LAP3: variants seen among roughly 807,000 people sequenced by gnomAD.
LAP3 encodes the protein cytosol aminopeptidase.
Under a neutral mutation model 58.8 loss-of-function variants are expected in LAP3, and 46 were observed. That is an observed-to-expected ratio of 0.78 (90% CI 0.62 to 1.00). The LOEUF (loss-of-function observed/expected upper bound fraction) is 1.00, where lower values mean the gene tolerates loss of function less well. Ranked by LOEUF, LAP3 falls within the 50% of genes least tolerant of loss-of-function variation. The pLI, the probability that LAP3 is intolerant of heterozygous loss-of-function variation, is 0.00. For missense variants in LAP3, 615 were observed against 659.1 expected, an observed-to-expected ratio of 0.93 and a Z score of 0.73; for synonymous variants, 257 against 237.7, an observed-to-expected ratio of 1.08 and a Z score of -0.75.
intron 10 of LAP3, among the ~76,000 whole-genome samples, chr4:17,602,498 T>A (rs1385212914): frequency 6.6e-6 from 1 of 152,190 alleles, no homozygotes; most frequent in African/African-American, 2.4e-5. Flanking sequence ...CACAACTTTG[T>A]TGGAGAAAAA....
intron 1 of LAP3, among the ~76,000 whole-genome samples, chr4:17,579,612 G>T (rs1339709814): frequency 6.6e-6 from 1 of 152,196 alleles, no homozygotes; most frequent in Non-Finnish European, 1.5e-5. Flanking sequence ...GACGGGCAGT[G>T]ATGGGTCTTG....
chr4:17,597,170 C>T (rs760540516), intron 9 of LAP3, 36 bp downstream of exon 9: 12 of 1,557,904 alleles, frequency 7.7e-6, no homozygotes, highest in Admixed American at 5.0e-5. Flanking sequence ...CCCCATCCAG[C>T]GTTCCTCAGG....
intron 1 of LAP3, among the ~76,000 whole-genome samples, chr4:17,578,905 C>T (rs1342937813): frequency 2.0e-5 from 3 of 152,268 alleles, no homozygotes; most frequent in East Asian, 1.9e-4. Context: ...TTGACTGGAA[C>T]GGCATCCTAG....
chr4:17,585,387 C>A (rs1410031035), intron 6 of LAP3: 3 of 253,078 alleles, frequency 1.2e-5, no homozygotes, highest in South Asian at 6.6e-5. Flanking sequence ...TATTCAGACA[C>A]AATTAACATG....
At chr4:17,581,167 G>A (rs76675148) in intron 2 of LAP3, among the ~76,000 whole-genome samples, 1,999 of 152,244 alleles carry the variant, frequency 0.013, 43 homozygotes, top group South Asian at 0.041. Context: ...GTCAGTATCC[G>A]GTTCGGGTAT....
chr4:17,598,047 T>G lies in LAP3; in HGVS notation c.1078-409T>G, dbSNP rs545658798. Among the ~76,000 whole-genome samples, 6 of 152,378 alleles carry G rather than the reference T, an allele frequency of 3.9e-5. No homozygotes were observed. The South Asian group carries it at 1.2e-3, about 32-fold the overall frequency. ...TCATTTTTGGAAATCTTTACATTTT[T>G]CCCCTTCTTGTTACAAAGTTACGGG... On this transcript the variant is annotated intron_variant, in intron 9 of 12. Transcript: ENST00000226299.
intron 7 of LAP3, among the ~76,000 whole-genome samples, chr4:17,593,780 T>G (rs1713762473): frequency 6.6e-6 from 1 of 151,736 alleles, no homozygotes; most frequent in Admixed American, 6.6e-5. Flanking sequence ...GCCCAGCTAA[T>G]TTTTGTATTT....
chr4:17,583,430 C>G, intron 4 of LAP3, 53 bp from the exon 5 acceptor site: 4 of 1,604,810 alleles, frequency 2.5e-6, no homozygotes, highest in East Asian at 2.2e-5. Flanking sequence ...GCTGTCTGCT[C>G]TTTGAGTTGT....
At chr4:17,593,322 T>C (rs934840539) in intron 7 of LAP3, among the ~76,000 whole-genome samples, 3 of 152,162 alleles carry the variant, frequency 2.0e-5, no homozygotes, top group Non-Finnish European at 4.4e-5. Flanking sequence ...CTTTTTTTTT[T>C]CCTATGTGGC....
At position 17,595,506 on chromosome 4, in the gene LAP3, A is replaced by G; in HGVS notation, c.960A>G (p.Ala320=). 4 of 1,614,082 alleles carry G rather than the reference A, an allele frequency of 2.5e-6. No homozygotes were observed. Among genetic ancestry groups the G allele is most frequent in the Non-Finnish European group, 3.4e-6 (4 of 1,179,980 alleles). Reference sequence around the variant, plus strand: ...TATGCTCAGCCATCGTGTCTGCTGCAAAGCTTAATTTGCCCATTAATATTA... The same window carrying G: ...TATGCTCAGCCATCGTGTCTGCTGCGAAGCTTAATTTGCCCATTAATATTA... ...ATICSAIVSA[A]KLNLPINIIG... is the part of the protein sequence containing the mutation. The change falls in exon 8 of 13, where the codon GCA becomes GCG. Residue 320 remains alanine (A), a synonymous_variant. Coordinates refer to ENST00000226299, the MANE Select transcript of LAP3 (RefSeq NM_015907.3).
At chr4:17,584,886 C>T (rs976815133) in intron 5 of LAP3, 86 bp from the exon 6 acceptor site, 1 of 1,323,794 alleles carries the variant, frequency 7.6e-7, no homozygotes, top group African/African-American at 1.5e-5. Context: ...CTTTTGTTTT[C>T]TGTAAGGTAA....
At chr4:17,603,605 C>T (rs1714032934) in intron 10 of LAP3, among the ~76,000 whole-genome samples, 1 of 150,770 alleles carries the variant, frequency 6.6e-6, no homozygotes, top group African/African-American at 2.4e-5. Flanking sequence ...CTCCCAGGTT[C>T]AAGCGGTTCA....
At chr4:17,603,748 A>C (rs1714037576) in intron 10 of LAP3, among the ~76,000 whole-genome samples, 1 of 151,406 alleles carries the variant, frequency 6.6e-6, no homozygotes, top group Non-Finnish European at 1.5e-5. Context: ...TCCCAACCTC[A>C]GGTGATCCAC....
rs996686416 is a variant in LAP3 at position 17,595,496 on chromosome 4, T to C, written c.950T>C (p.Val317Ala). The C allele has an allele frequency of 2.0e-5, 33 of 1,613,978 alleles. No homozygotes were observed. Among genetic ancestry groups the C allele is most frequent in the Non-Finnish European group, 2.8e-5 (33 of 1,179,998 alleles). Residue 317 changes from valine (V) to alanine (A), a missense_variant, in exon 8 of 13, where the codon GTG becomes GCG. By Grantham distance (64) the Val-to-Ala change is moderately conservative. Coordinates refer to ENST00000226299, the MANE Select transcript of LAP3 (RefSeq NM_015907.3). ...GGAATICSAI[V>A]SAAKLNLPIN... ...GCTGCAACTATATGCTCAGCCATCG[T>C]GTCTGCTGCAAAGCTTAATTTGCCC...
intron 4 of LAP3, 149 bp downstream of exon 4, chr4:17,582,542 T>C: frequency 1.6e-6 from 1 of 627,306 alleles, no homozygotes; most frequent in Non-Finnish European, 2.9e-6. Flanking sequence ...TTCCTCTTGC[T>C]GAATATGGTT....
rs376480402 is a variant in LAP3, at chr4:17,595,391, G to A, written c.864-19G>A. ...ATCTTCTTTGCTCTTAATATTGCACGTTGTCCATTTCCCCATAGTGGTGGT... is the reference window on the plus strand; with the variant it reads ...ATCTTCTTTGCTCTTAATATTGCACATTGTCCATTTCCCCATAGTGGTGGT... On this transcript the variant is annotated intron_variant, in intron 7 of 12. Transcript: ENST00000226299. 1,428 of 1,611,578 alleles carry A rather than the reference G, an allele frequency of 8.9e-4. 1 individual carries two copies. The highest frequency in any genetic ancestry group is 1.1e-3 in the Non-Finnish European group (1,265 of 1,178,626).
In LAP3 at chr4:17,583,604, A is replaced by C. The variant is rs1215491069; in HGVS notation, c.501A>C (p.Gln167His). 6.2e-7 allele frequency: 1 copy of C among 1,614,060 alleles called. No homozygotes were observed. Among genetic ancestry groups the C allele is most frequent in the African/African-American group, 1.3e-5 (1 of 74,936 alleles). Residue 167 changes from glutamine (Q) to histidine (H), a missense_variant, in exon 5 of 13, where the codon CAA (glutamine) becomes CAC (histidine). Coordinates refer to ENST00000226299, the MANE Select transcript of LAP3 (RefSeq NM_015907.3). The stretch of plus-strand genomic sequence containing the variant: ...TCTATGAATACGATGACCTAAAGCA[A>C]AAAAAGAAGATGGCTGTGTCGGCAA... ...LGLYEYDDLK[Q>H]KKKMAVSAKL...
chr4:17,603,955 G>A (rs1421436336), intron 10 of LAP3, among the ~76,000 whole-genome samples: 2 of 151,704 alleles, frequency 1.3e-5, no homozygotes, highest in Non-Finnish European at 2.9e-5. Flanking sequence ...AGCCTCCTGA[G>A]TAGCTGGGAT....
chr4:17,590,069 G>A (rs543808296), intron 7 of LAP3, among the ~76,000 whole-genome samples: 7 of 152,240 alleles, frequency 4.6e-5, no homozygotes, highest in East Asian at 1.9e-4. Context: ...GGATGCCAGC[G>A]AGTATGAGAC....
Sources: allele counts gnomAD v4.1 joint callset (sites outside exome capture counted in the v4.1 genomes callset), GRCh38; gene constraint gnomAD v4.1.1; transcripts MANE v1.5; gene names NCBI Gene and HGNC (gene_info 2026-07-23, HGNC 2026-07-21).